Variants in IPO9 observed in about 807,000 individuals in gnomAD.
The protein encoded by IPO9 is importin 9, also known as importin-9.
A neutral mutation model predicts 128.6 loss-of-function variants in IPO9; 28 were observed. The observed-to-expected ratio is 0.22, with a 90% CI of 0.16 to 0.30. The LOEUF (loss-of-function observed/expected upper bound fraction) is 0.30, where lower values mean the gene tolerates loss of function less well. Ranked by LOEUF, IPO9 falls within the 10% of genes least tolerant of loss-of-function variation. The probability of loss-of-function intolerance (pLI) is 1.00; values close to 1 mark genes in which losing one functional copy is unlikely to be tolerated. For synonymous variants in IPO9, 455 were observed against 475.8 expected, an observed-to-expected ratio of 0.96 and a Z score of 0.57; for missense variants, 935 against 1,293.9, an observed-to-expected ratio of 0.72 and a Z score of 4.26.
At chr1:201,873,192 C>T (rs148698417) in intron 20 of IPO9, among the ~76,000 whole-genome samples, 1,580 of 152,278 alleles carry the variant, frequency 0.01, 18 homozygotes, top group Middle Eastern at 0.044. Flanking sequence ...CCTGTAATCC[C>T]AGCACTTGGT....
chr1:201,854,500 C>A, intron 6 of IPO9, 95 bp from the exon 7 acceptor site: 1 of 1,487,390 alleles, frequency 6.7e-7, no homozygotes, highest in Non-Finnish European at 9.1e-7. Context: ...CTGAAGAGAG[C>A]TTTAGGTGCC....
chr1:201,855,009 C>T (rs1171906238), intron 8 of IPO9, 86 bp downstream of exon 8: 8 of 1,339,470 alleles, frequency 6.0e-6, no homozygotes, highest in Non-Finnish European at 7.3e-6. Context: ...TGGTTCCACT[C>T]TTCTTACACA....
At chr1:201,861,841 A>G (rs746366287) in intron 13 of IPO9, among the ~76,000 whole-genome samples, 26 of 152,368 alleles carry the variant, frequency 1.7e-4, no homozygotes, top group Middle Eastern at 6.8e-3. Context: ...TAAGAACACT[A>G]AAGACAGAAT....
chr1:201,855,214 C>G (rs1219191432), intron 9 of IPO9, 32 bp downstream of exon 9: 10 of 1,406,588 alleles, frequency 7.1e-6, no homozygotes, highest in Non-Finnish European at 9.0e-6. Flanking sequence ...TATAGAAATA[C>G]CAGTTAGTGG....
intron 10 of IPO9, 65 bp downstream of exon 10, chr1:201,855,999 G>C: frequency 8.1e-7 from 1 of 1,234,658 alleles, no homozygotes; most frequent in Non-Finnish European, 1.1e-6. Flanking sequence ...AGAATATGAG[G>C]TCTTGGTCAG....
chr1:201,872,531 G>A (rs1400084698), intron 19 of IPO9, among the ~76,000 whole-genome samples: 1 of 151,888 alleles, frequency 6.6e-6, no homozygotes, highest in Non-Finnish European at 1.5e-5. Flanking sequence ...CTGAACCCAG[G>A]GAGGTCAAGG....
At chr1:201,855,703 G>C in intron 9 of IPO9, 80 bp from the exon 10 acceptor site, 1 of 1,250,074 alleles carries the variant, frequency 8.0e-7, no homozygotes, top group Non-Finnish European at 1.1e-6. Context: ...ATTTACAAAG[G>C]TTATGTAGTT....
intron 4 of IPO9, among the ~76,000 whole-genome samples, chr1:201,849,292 C>T (rs975261287): frequency 1.3e-5 from 2 of 152,114 alleles, no homozygotes; most frequent in Admixed American, 6.5e-5. Context: ...AGCTATCAAT[C>T]CCTCCCAGAA....
chr1:201,851,037 A>G (rs1680205381), intron 4 of IPO9, among the ~76,000 whole-genome samples: 1 of 151,770 alleles, frequency 6.6e-6, no homozygotes, highest in Admixed American at 6.6e-5. Flanking sequence ...TTTATTTGAG[A>G]CATGGTCTCA....
At chr1:201,872,005 C>A (rs12042551) in intron 19 of IPO9, among the ~76,000 whole-genome samples, 1 of 151,822 alleles carries the variant, frequency 6.6e-6, no homozygotes, top group African/African-American at 2.4e-5. Flanking sequence ...GAGGCTGAGG[C>A]GAGCAGATCA....
intron 1 of IPO9, among the ~76,000 whole-genome samples, chr1:201,841,234 A>G (rs1306745169): frequency 2.0e-5 from 3 of 152,222 alleles, no homozygotes; most frequent in African/African-American, 4.8e-5. Context: ...TGACTGCATC[A>G]TGTAGGTTAC....
At chr1:201,857,310 A>G (rs780197395) in intron 11 of IPO9, 116 bp downstream of exon 11, 130 of 680,714 alleles carry the variant, frequency 1.9e-4, no homozygotes, top group Non-Finnish European at 3.0e-4. Flanking sequence ...TTTATCTCAG[A>G]CTTTATTGGG....
At position 201,829,221 on chromosome 1, in the gene IPO9, G is replaced by GGCGGCA; in HGVS notation, c.15_20dup (p.Ala6_Ala7dup). ...TGAGGGGAGAAAAGATGGCGGCGGC[G>GGCGGCA]GCGGCAGCTGGTGCGGCCTCCGGGC... On this transcript the variant is annotated inframe_insertion, in exon 1 of 24. Coordinates refer to ENST00000361565, the MANE Select transcript of IPO9 (RefSeq NM_018085.5). The GGCGGCA allele has an allele frequency of 1.3e-6, 2 of 1,557,658 alleles. No individual in the cohort carries two copies. The highest frequency in any genetic ancestry group is 1.7e-6 in the Non-Finnish European group (2 of 1,156,852).
At chr1:201,855,576 T>A (rs1378553429) in intron 9 of IPO9, among the ~76,000 whole-genome samples, 3 of 152,228 alleles carry the variant, frequency 2.0e-5, no homozygotes, top group Admixed American at 2.0e-4. Flanking sequence ...TTTCTGATTC[T>A]TTTACTTGAA....
intron 1 of IPO9, among the ~76,000 whole-genome samples, chr1:201,832,700 T>C (rs1679860129): frequency 6.6e-6 from 1 of 152,228 alleles, no homozygotes; most frequent in Admixed American, 6.5e-5. Context: ...CCTCCCTCTG[T>C]CCTCTCAAAT....
intron 13 of IPO9, among the ~76,000 whole-genome samples, chr1:201,861,704 G>T (rs564456317): frequency 2.6e-5 from 4 of 152,296 alleles, no homozygotes; most frequent in Admixed American, 6.5e-5. Context: ...GATGTTTATT[G>T]TGTGAGTAAA....
chr1:201,845,977 G>A (rs185102588), intron 1 of IPO9, among the ~76,000 whole-genome samples: 123 of 152,244 alleles, frequency 8.1e-4, no homozygotes, highest in Non-Finnish European at 7.4e-5. Flanking sequence ...GCACAGTGGC[G>A]TGCATCTGTA....
intron 13 of IPO9, among the ~76,000 whole-genome samples, chr1:201,861,502 G>C (rs1343559937): frequency 6.6e-6 from 1 of 152,208 alleles, no homozygotes; most frequent in Non-Finnish European, 1.5e-5. Context: ...TAAGTGTTCT[G>C]AGCATGTTTA....
Position 201,848,442 on chromosome 1 carries a change from T to G in IPO9, c.362T>G (p.Ile121Arg). The change falls in exon 4 of 24, where the codon ATA becomes AGA. Residue 121 changes from isoleucine to arginine, a missense_variant. Ile to Arg is a moderately conservative substitution (Grantham distance 97). Transcript: ENST00000361565. ...ELLPNGLRES[I>R]SKVRSSVAYA... ...TTGCCTAATGGGTTGAGAGAATCGATAAGCAAAGTGCGCTCCAGTGTGGCC... is the reference window on the plus strand; with the variant it reads ...TTGCCTAATGGGTTGAGAGAATCGAGAAGCAAAGTGCGCTCCAGTGTGGCC... The G allele has an allele frequency of 1.9e-6, 3 of 1,614,204 alleles. No homozygotes were observed. Among genetic ancestry groups the G allele is most frequent in the Non-Finnish European group, 2.5e-6 (3 of 1,180,038 alleles).
Sources: gnomAD v4.1 joint callset for allele counts (sites outside exome capture counted in the v4.1 genomes callset) on GRCh38, gnomAD v4.1.1 for gene constraint, MANE v1.5 for transcripts, NCBI Gene and HGNC (gene_info 2026-07-23, HGNC 2026-07-21) for gene names.